Variants in EPHA5 observed in about 807,000 individuals in gnomAD.
The protein encoded by EPHA5 is ephrin type-A receptor 5.
In EPHA5, 60 loss-of-function variants were observed where a neutral mutation model predicts 105.0. The ratio of observed to expected loss-of-function variants is 0.57; its 90% CI spans 0.46 to 0.71. The LOEUF (loss-of-function observed/expected upper bound fraction) is 0.71. EPHA5 is among the 30% of genes least tolerant of loss of function. The pLI is 0.00. For synonymous variants in EPHA5, 513 were observed against 449.1 expected (o/e 1.14, Z -1.80); for missense variants, 1,218 against 1,274.7 (o/e 0.96, Z 0.68).
At chr4:65,350,831 A>C (rs767132964) in intron 13 of EPHA5, among the ~76,000 whole-genome samples, 27 of 152,176 alleles carry the variant, frequency 1.8e-4, no homozygotes, top group Admixed American at 5.9e-4. Context: ...TAGCTATTAC[A>C]ATACCTCCAG....
chr4:65,643,303 C>A, intron 2 of EPHA5, 60 bp downstream of exon 2: 1 of 1,304,226 alleles, frequency 7.7e-7, no homozygotes, highest in Non-Finnish European at 1.1e-6. Flanking sequence ...TCCTGTGTTA[C>A]AAGTATCAAG....
chr4:65,395,216 A>G (rs374785455), intron 8 of EPHA5, among the ~76,000 whole-genome samples: 3 of 152,326 alleles, frequency 2.0e-5, no homozygotes, highest in African/African-American at 7.2e-5. Context: ...ACAGATTCCA[A>G]TTGTACTGTA....
chr4:65,441,880 T>C (rs899243565), intron 5 of EPHA5, among the ~76,000 whole-genome samples: 14 of 152,176 alleles, frequency 9.2e-5, no homozygotes, highest in African/African-American at 3.4e-4. Flanking sequence ...TGATTACATC[T>C]TTGTTGTAAG....
intron 1 of EPHA5, among the ~76,000 whole-genome samples, chr4:65,656,276 A>G (rs1026848180): frequency 8.6e-5 from 13 of 151,288 alleles, no homozygotes; most frequent in Admixed American, 8.6e-4. Flanking sequence ...CAAAAACACC[A>G]CTGGGGTTCT....
At position 65,353,092 on chromosome 4, in the gene EPHA5, T is replaced by G. The variant is rs754246386; in HGVS notation, c.2185A>C (p.Met729Leu). The stretch of plus-strand genomic sequence containing the variant: ...TTCTCCATATACTCTGTCACGATCA[T>G]CACTGGTTTACCTGAAAAGAAAACA... Reference protein sequence around the residue: ...EGVVTKSKPVMIVTEYMENGS... With the variant: ...EGVVTKSKPVLIVTEYMENGS... Residue 729 changes from methionine to leucine, a missense_variant, in exon 12 of 17, where the codon ATG becomes CTG. This residue lies in a region of EPHA5 where 971 missense variants were observed against 1,013.5 expected (regional missense o/e 0.96). Transcript: ENST00000613740. The G allele has an allele frequency of 3.9e-6, 6 of 1,557,732 alleles. No homozygotes were observed. In the East Asian group the frequency reaches 1.5e-4, roughly 38 times the overall value.
chr4:65,459,549 T>C (rs904552451), intron 5 of EPHA5, among the ~76,000 whole-genome samples: 1 of 151,854 alleles, frequency 6.6e-6, no homozygotes, highest in African/African-American at 2.4e-5. Context: ...GTCTGAACTG[T>C]AACTTGACAT....
chr4:65,351,931 A>T (rs559657007), intron 12 of EPHA5, among the ~76,000 whole-genome samples: 122 of 152,144 alleles, frequency 8.0e-4, no homozygotes, highest in African/African-American at 2.9e-3. Flanking sequence ...TCAACACCGT[A>T]CTATTTTGAT....
At chr4:65,549,464 T>A (rs2149336831) in intron 3 of EPHA5, among the ~76,000 whole-genome samples, 1 of 152,256 alleles carries the variant, frequency 6.6e-6, no homozygotes, top group South Asian at 2.1e-4. Flanking sequence ...AATGATAATA[T>A]GTGTTGTTTG....
chr4:65,508,674 T>C (rs1464071907), intron 3 of EPHA5, among the ~76,000 whole-genome samples: 1 of 152,104 alleles, frequency 6.6e-6, no homozygotes, highest in African/African-American at 2.4e-5. Context: ...AAAAGAAACT[T>C]ATTCCCCAGT....
chr4:65,367,193 C>G (rs1266532874), intron 9 of EPHA5, among the ~76,000 whole-genome samples, 164 bp downstream of exon 9: 1 of 150,606 alleles, frequency 6.6e-6, no homozygotes, highest in African/African-American at 2.4e-5. Flanking sequence ...CAGAAATACC[C>G]AAGCCCGTAT....
At chr4:65,632,249 T>C (rs1243954797) in intron 2 of EPHA5, among the ~76,000 whole-genome samples, 2 of 152,102 alleles carry the variant, frequency 1.3e-5, no homozygotes, top group Admixed American at 1.3e-4. Context: ...TTATATACAT[T>C]AGTAAATTGG....
chr4:65,644,931 C>G (rs1747989731), intron 1 of EPHA5, among the ~76,000 whole-genome samples: 1 of 151,726 alleles, frequency 6.6e-6, no homozygotes. Context: ...CAAATGCATG[C>G]AATATAATGT....
At position 65,574,655 on chromosome 4, in the gene EPHA5, C is replaced by CAT. The variant is rs1462938958; in HGVS notation, c.910+26984_910+26985dup. ...ATATATATATACACATATATATACA[C>CAT]ATATATATATACACATATATATACA... is the stretch of plus-strand genomic sequence containing the variant. On this transcript the variant is annotated intron_variant, in intron 3 of 16. Coordinates refer to ENST00000613740, the MANE Select transcript of EPHA5 (RefSeq NM_001281766.3). 4.1e-4 allele frequency among the ~76,000 whole-genome samples: 37 copies of CAT among 89,338 alleles called. 1 individual carries two copies. Among genetic ancestry groups the CAT allele is most frequent in the Non-Finnish European group, 5.0e-4 (21 of 41,908 alleles). 58.6% of individuals were successfully genotyped at this position (89,338 alleles called of 152,430 possible). A position where few individuals can be genotyped will look rare whatever the true frequency, so the allele number is the denominator to read the frequency against.
intron 11 of EPHA5, among the ~76,000 whole-genome samples, chr4:65,360,844 A>C (rs182570361): frequency 7.4e-4 from 112 of 151,628 alleles, no homozygotes; most frequent in Non-Finnish European, 1.4e-3. Flanking sequence ...TTAATTACCT[A>C]ATGTGTCTGG....
At chr4:65,367,191 C>T (rs1717988813) in intron 9 of EPHA5, among the ~76,000 whole-genome samples, 166 bp downstream of exon 9, 1 of 151,090 alleles carries the variant, frequency 6.6e-6, no homozygotes, top group East Asian at 1.9e-4. Context: ...TCCAGAAATA[C>T]CCAAGCCCGT....
At chr4:65,565,619 C>A (rs191697543) in intron 3 of EPHA5, among the ~76,000 whole-genome samples, 69 of 151,124 alleles carry the variant, frequency 4.6e-4, no homozygotes, top group Non-Finnish European at 8.3e-4. Flanking sequence ...AAATAATATT[C>A]TGCTTTCAGC....
chr4:65,609,474 C>T (rs1414249887), intron 2 of EPHA5, among the ~76,000 whole-genome samples: 1 of 152,016 alleles, frequency 6.6e-6, no homozygotes, highest in Non-Finnish European at 1.5e-5. Flanking sequence ...AGCTCAAATT[C>T]AATTCATAAT....
chr4:65,452,603 A>C (rs1182215101), intron 5 of EPHA5, among the ~76,000 whole-genome samples: 2 of 151,708 alleles, frequency 1.3e-5, no homozygotes, highest in African/African-American at 4.8e-5. Context: ...AAAGACAAAC[A>C]TCCTATGGCT....
chr4:65,445,277 ATTTTCT>A (rs1726408437), intron 5 of EPHA5, among the ~76,000 whole-genome samples: 1 of 152,210 alleles, frequency 6.6e-6, no homozygotes, highest in South Asian at 2.1e-4. Context: ...AATAATTTAG[ATTTTCT>A]TTATCTAATC....
Sources: allele counts gnomAD v4.1 joint callset (sites outside exome capture counted in the v4.1 genomes callset), GRCh38; gene constraint gnomAD v4.1.1; regional missense constraint gnomAD v4.1.1; transcripts MANE v1.5; gene names NCBI Gene and HGNC (gene_info 2026-07-23, HGNC 2026-07-21).